Variants in CNNM1 observed in about 807,000 individuals in gnomAD.
CNNM1 encodes metal transporter CNNM1.
In CNNM1, 44 loss-of-function variants were observed where a neutral mutation model predicts 78.8. The ratio of observed to expected loss-of-function variants is 0.56; its 90% CI spans 0.44 to 0.72. The LOEUF (loss-of-function observed/expected upper bound fraction) is 0.72. Among genes scored for constraint, CNNM1 ranks in the 30% least tolerant of loss-of-function variants. The pLI is 0.00. For missense variants in CNNM1, 1,101 were observed against 1,292.2 expected (o/e 0.85, Z 2.27); for synonymous variants, 584 against 581.5 (o/e 1.00, Z -0.06).
chr10:99,359,394 A>G (rs1308076731), intron 2 of CNNM1, among the ~76,000 whole-genome samples: 1 of 152,190 alleles, frequency 6.6e-6, no homozygotes, highest in East Asian at 1.9e-4. Context: ...TTCTACCTAT[A>G]AATAGCTGCT....
chr10:99,334,955 C>A (rs1156961502), intron 1 of CNNM1, among the ~76,000 whole-genome samples: 1 of 152,170 alleles, frequency 6.6e-6, no homozygotes, highest in African/African-American at 2.4e-5. Context: ...GTACAACTTT[C>A]CATAACTAAT....
At chr10:99,385,415 T>C (rs2032278672) in intron 7 of CNNM1, among the ~76,000 whole-genome samples, 1 of 152,230 alleles carries the variant, frequency 6.6e-6, no homozygotes, top group African/African-American at 2.4e-5. Context: ...TTCCAAGACC[T>C]AGTCTTGCTT....
chr10:99,364,452 T>C lies in CNNM1; in HGVS notation c.2064T>C (p.Leu688=), dbSNP rs775575666. The C allele has an allele frequency of 6.2e-7, 1 of 1,612,748 alleles. No homozygotes were observed. Among genetic ancestry groups the C allele is most frequent in the South Asian group, 1.1e-5 (1 of 90,604 alleles). ...AGGTGGAGGTTGGTAAGGAAGGCCT[T>C]CGCTTTGAAAATGGAGCCTTTACTT... ...KVEVEVGKEG[L]RFENGAFTYY... The change falls in exon 5 of 11, where the codon CTT becomes CTC. Residue 688 remains leucine (L), a synonymous_variant. Coordinates refer to ENST00000356713, the MANE Select transcript of CNNM1 (RefSeq NM_020348.3).
intron 6 of CNNM1, among the ~76,000 whole-genome samples, chr10:99,374,598 T>C (rs1195074270): frequency 6.6e-6 from 1 of 152,212 alleles, no homozygotes; most frequent in Non-Finnish European, 1.5e-5. Context: ...GAGCTTTAGT[T>C]TGATGATTTA....
rs112369453 is a variant in CNNM1, at chr10:99,372,605, A to G, written c.2177-4450A>G. Reference sequence around the variant, plus strand: ...CTTAGGATATGCCAAGGGGAATTACACAACTTGAACTAGTTTGCCATGCTG... The same window carrying G: ...CTTAGGATATGCCAAGGGGAATTACGCAACTTGAACTAGTTTGCCATGCTG... On this transcript the variant is annotated intron_variant, in intron 6 of 10. Coordinates refer to ENST00000356713, the MANE Select transcript of CNNM1 (RefSeq NM_020348.3). Among the ~76,000 whole-genome samples, 7 of 152,302 alleles carry G rather than the reference A, an allele frequency of 4.6e-5. 1 individual carries two copies. The highest frequency in any genetic ancestry group is 1.7e-4 in the African/African-American group (7 of 41,560).
chr10:99,366,433 A>G (rs1370773289), intron 6 of CNNM1, among the ~76,000 whole-genome samples: 1 of 151,794 alleles, frequency 6.6e-6, no homozygotes, highest in African/African-American at 2.4e-5. Context: ...AAAGACCTAC[A>G]TATGGCTTCC....
At chr10:99,341,003 G>A (rs1174044286) in intron 1 of CNNM1, among the ~76,000 whole-genome samples, 1 of 152,008 alleles carries the variant, frequency 6.6e-6, no homozygotes, top group Non-Finnish European at 1.5e-5. Flanking sequence ...CCTAGGGCTT[G>A]CAGTCGAGTA....
intron 1 of CNNM1, among the ~76,000 whole-genome samples, chr10:99,340,814 CTTTCTTTTCT>C (rs376121477): frequency 2.3e-5 from 3 of 132,070 alleles, no homozygotes; most frequent in East Asian, 2.4e-4. Flanking sequence ...CTCTTTCTTT[CTTTCTTTTCT>C]TTTCTTTTCT....
intron 2 of CNNM1, 128 bp from the exon 3 acceptor site, chr10:99,360,707 T>C: frequency 8.4e-7 from 1 of 1,192,260 alleles, no homozygotes; most frequent in Non-Finnish European, 1.2e-6. Context: ...ACTTCCTGGG[T>C]GATATTGTGA....
Position 99,390,330 on chromosome 10 carries a change from T to C in CNNM1, c.2699T>C (p.Ile900Thr). Residue 900 changes from isoleucine to threonine, a missense_variant, in exon 10 of 11, where the codon ATC becomes ACC. Ile to Thr is a moderately conservative substitution (Grantham distance 89). Coordinates refer to ENST00000356713, the MANE Select transcript of CNNM1 (RefSeq NM_020348.3). Reference protein sequence around the residue: ...RAASDSECCNINLDTETSPCS... With the variant: ...RAASDSECCNTNLDTETSPCS... ...GCATCAGATAGTGAATGTTGTAACA[T>C]CAACCTGGATACAGAGACCAGCCCC... 6.2e-7 allele frequency: 1 copy of C among 1,613,020 alleles called. No individual in the cohort carries two copies. The highest frequency in any genetic ancestry group is 2.2e-5 in the East Asian group (1 of 44,862).
chr10:99,360,722 A>T, intron 2 of CNNM1, 113 bp from the exon 3 acceptor site: 1 of 1,343,966 alleles, frequency 7.4e-7, no homozygotes, highest in South Asian at 1.5e-5. Context: ...TTGTGATGTC[A>T]CCCATAGTTG....
At chr10:99,369,913 G>A (rs746928993) in intron 6 of CNNM1, among the ~76,000 whole-genome samples, 2 of 152,140 alleles carry the variant, frequency 1.3e-5, no homozygotes, top group African/African-American at 4.8e-5. Flanking sequence ...GTGAATCTTG[G>A]TGAATGCCAA....
chr10:99,335,369 C>G (rs2030128526), intron 1 of CNNM1, among the ~76,000 whole-genome samples: 1 of 152,212 alleles, frequency 6.6e-6, no homozygotes, highest in Admixed American at 6.5e-5. Context: ...AACAATATTT[C>G]TCACCACTGG....
intron 6 of CNNM1, among the ~76,000 whole-genome samples, chr10:99,367,809 AAG>A (rs2031671382): frequency 6.6e-6 from 1 of 152,156 alleles, no homozygotes; most frequent in Non-Finnish European, 1.5e-5. Context: ...ATGATCAGAT[AAG>A]AGAGATGAAG....
Position 99,359,240 on chromosome 10 carries a change from G to C in CNNM1, c.1717+1585G>C, listed in dbSNP as rs140094554. ...TGCCATGTTAAGTGGCAATCTGATG[G>C]GGGAGAGGGGGGCTATTTAGGCAAA... On this transcript the variant is annotated intron_variant, in intron 2 of 10. Coordinates refer to ENST00000356713, the MANE Select transcript of CNNM1 (RefSeq NM_020348.3). 2.2e-3 allele frequency among the ~76,000 whole-genome samples: 327 copies of C among 151,866 alleles called. 4 individuals are homozygous for C. Among genetic ancestry groups the C allele is most frequent in the African/African-American group, 7.6e-3 (315 of 41,416 alleles).
Position 99,340,880 on chromosome 10 carries a change from G to T in CNNM1, c.1573+9920G>T, listed in dbSNP as rs11190060. 6.7e-4 allele frequency among the ~76,000 whole-genome samples: 47 copies of T among 70,014 alleles called. 1 individual carries two copies. Among genetic ancestry groups the T allele is most frequent in the East Asian group, 2.0e-3 (4 of 2,050 alleles). The allele number at this position is 70,014 out of a possible 152,430, so 45.9% of individuals were successfully genotyped here. A position where few individuals can be genotyped will look rare whatever the true frequency, so the allele number is the denominator to read the frequency against. Reference sequence around the variant, plus strand: ...TTCCCCGCTTCCTTCCTTCCTTCCTGCCTGCCTGCCTGCCTGCCTGCCTGC... The same window carrying T: ...TTCCCCGCTTCCTTCCTTCCTTCCTTCCTGCCTGCCTGCCTGCCTGCCTGC... On this transcript the variant is annotated intron_variant, in intron 1 of 10. Transcript: ENST00000356713.
At chr10:99,345,199 A>AT (rs1429140914) in intron 1 of CNNM1, among the ~76,000 whole-genome samples, 1 of 152,192 alleles carries the variant, frequency 6.6e-6, no homozygotes, top group African/African-American at 2.4e-5. Flanking sequence ...TGAAGACCAG[A>AT]GGTAACATAT....
rs1850541758 is a variant in CNNM1 at position 99,329,405 on chromosome 10, G to GGCGGCAGCA, written c.23_31dup (p.Ala8_Ala10dup). The GGCGGCAGCA allele has an allele frequency of 1.2e-6, 1 of 843,244 alleles. No homozygotes were observed. The allele number at this position is 843,244 out of a possible 1,614,324, so 52.2% of individuals were successfully genotyped here. On this transcript the variant is annotated inframe_insertion, in exon 1 of 11. Coordinates refer to ENST00000356713, the MANE Select transcript of CNNM1 (RefSeq NM_020348.3). ...GGTGCAGGATGGCGGCGGCCGCGGC[G>GGCGGCAGCA]GCGGCAGCAGCGGTGGGTGTCAGGC...
chr10:99,341,016 C>T (rs1470580469), intron 1 of CNNM1, among the ~76,000 whole-genome samples: 4 of 151,966 alleles, frequency 2.6e-5, no homozygotes, highest in East Asian at 1.9e-4. Context: ...GTCGAGTAGG[C>T]GACACCAAGC....
Sources: allele counts gnomAD v4.1 joint callset (sites outside exome capture counted in the v4.1 genomes callset), GRCh38; gene constraint gnomAD v4.1.1; transcripts MANE v1.5; gene names NCBI Gene and HGNC (gene_info 2026-07-23, HGNC 2026-07-21).